The following RASAL2 variants were observed in gnomAD, a reference collection of about 807,000 sequenced individuals.
The protein encoded by RASAL2 is RAS protein activator like 2.
Under a neutral mutation model 128.9 loss-of-function variants are expected in RASAL2, and 58 were observed. The observed-to-expected ratio is 0.45, with a 90% confidence interval of 0.36 to 0.56. The LOEUF is 0.56. Ranked by LOEUF, RASAL2 falls within the 20% of genes least tolerant of loss-of-function variation. The probability of loss-of-function intolerance (pLI) is 0.00; values close to 1 mark genes in which losing one functional copy is unlikely to be tolerated. For synonymous variants in RASAL2, 561 were observed against 580.8 expected (o/e 0.97, Z 0.49); for missense variants, 1,360 against 1,601.6 (o/e 0.85, Z 2.57).
intron 1 of RASAL2, among the ~76,000 whole-genome samples, chr1:178,109,709 A>G (rs1249190757): frequency 1.3e-5 from 2 of 152,138 alleles, no homozygotes; most frequent in Non-Finnish European, 1.5e-5. Flanking sequence ...ATTCTGACCA[A>G]TTCATATATC....
intron 1 of RASAL2, among the ~76,000 whole-genome samples, chr1:178,262,827 A>G (rs1250186286): frequency 4.1e-5 from 6 of 147,598 alleles, no homozygotes; most frequent in Non-Finnish European, 8.9e-5. Flanking sequence ...CTGAGAGGGA[A>G]TTGGTAGACT....
intron 3 of RASAL2, among the ~76,000 whole-genome samples, chr1:178,358,952 A>T (rs1029058989): frequency 1.3e-5 from 2 of 152,218 alleles, no homozygotes; most frequent in African/African-American, 4.8e-5. Flanking sequence ...TTGTTGTTAT[A>T]TTCAAACAAT....
At position 178,376,545 on chromosome 1, in the gene RASAL2, A is replaced by G. The variant is rs1050450181; in HGVS notation, c.458-13555A>G. Among the ~76,000 whole-genome samples the G allele has an allele frequency of 5.3e-5, 8 of 152,156 alleles. No homozygotes were observed. The East Asian group carries it at 1.5e-3, about 29-fold the overall frequency. On this transcript the variant is annotated intron_variant, in intron 3 of 17. Coordinates refer to ENST00000367649, the MANE Select transcript of RASAL2 (RefSeq NM_170692.4). ...ATAGGATTAACCTTTTGAAGGGAGA[A>G]AGAAAAAACTCATACAGGAACCAAA...
Position 178,392,794 on chromosome 1 carries a change from G to A in RASAL2, c.564+2588G>A, listed in dbSNP as rs114968914. Among the ~76,000 whole-genome samples, 517 of 152,252 alleles carry A rather than the reference G, an allele frequency of 3.4e-3. 4 individuals are homozygous for A. The highest frequency in any genetic ancestry group is 0.012 in the African/African-American group (501 of 41,548). On this transcript the variant is annotated intron_variant, in intron 4 of 17. Transcript: ENST00000367649. ...TTAAGGAGATCAAGGAGAAGCCAGT[G>A]GGTAAGGATCACTCATATCCTGCTG... is the stretch of plus-strand genomic sequence containing the variant.
At position 178,204,222 on chromosome 1, in the gene RASAL2, G is replaced by A. The variant is rs143735502; in HGVS notation, c.203-79342G>A. On this transcript the variant is annotated intron_variant, in intron 1 of 17. Transcript: ENST00000367649. Reference sequence around the variant, plus strand: ...TAACATTTGGGTTGGGGATTGGTGCGTCTCTGGTTGTACGAAGGATAGTTG... The same window carrying A: ...TAACATTTGGGTTGGGGATTGGTGCATCTCTGGTTGTACGAAGGATAGTTG... Among the ~76,000 whole-genome samples the A allele has an allele frequency of 3.9e-3, 598 of 152,230 alleles. 3 individuals are homozygous for A. The highest frequency in any genetic ancestry group is 0.013 in the African/African-American group (525 of 41,546).
At chr1:178,278,814 CTG>C (rs933792082) in intron 1 of RASAL2, among the ~76,000 whole-genome samples, 3 of 152,050 alleles carry the variant, frequency 2.0e-5, no homozygotes, top group African/African-American at 4.8e-5. Context: ...TGGAGTGTGT[CTG>C]TGTGTGTGTT....
chr1:178,424,705 G>GC (rs1314949792), intron 5 of RASAL2, among the ~76,000 whole-genome samples: 2 of 151,954 alleles, frequency 1.3e-5, no homozygotes, highest in African/African-American at 4.8e-5. Flanking sequence ...CAAGTGATTT[G>GC]CCCACCCTGG....
chr1:178,166,756 G>C (rs1442929348), intron 1 of RASAL2, among the ~76,000 whole-genome samples: 2 of 152,048 alleles, frequency 1.3e-5, no homozygotes, highest in African/African-American at 4.8e-5. Context: ...ATTTTTTCGT[G>C]TACTAGGTAA....
intron 1 of RASAL2, among the ~76,000 whole-genome samples, chr1:178,121,770 G>A (rs948815859): frequency 5.3e-5 from 8 of 152,116 alleles, no homozygotes; most frequent in African/African-American, 1.9e-4. Context: ...ACAGGCATGA[G>A]CCACCATGCC....
intron 3 of RASAL2, among the ~76,000 whole-genome samples, chr1:178,329,666 T>C (rs1001379839): frequency 3.9e-5 from 6 of 152,036 alleles, no homozygotes; most frequent in African/African-American, 1.5e-4. Context: ...ACATGATGTC[T>C]AAACTGAAAT....
intron 4 of RASAL2, among the ~76,000 whole-genome samples, chr1:178,415,874 A>T (rs1025523642): frequency 1.3e-5 from 2 of 152,096 alleles, no homozygotes. Flanking sequence ...TAATATAGCT[A>T]TGCCTGCTTT....
chr1:178,413,480 T>C (rs1674545775), intron 4 of RASAL2, among the ~76,000 whole-genome samples: 1 of 152,168 alleles, frequency 6.6e-6, no homozygotes, highest in Admixed American at 6.5e-5. Context: ...CAGAATGTTT[T>C]CCCCCACCTT....
intron 1 of RASAL2, among the ~76,000 whole-genome samples, chr1:178,162,257 A>C (rs1218497556): frequency 7.2e-6 from 1 of 139,754 alleles, no homozygotes; most frequent in Non-Finnish European, 1.5e-5. Flanking sequence ...GAGCCACCGC[A>C]CCTGGCCTAA....
chr1:178,352,328 A>G (rs546859687), intron 3 of RASAL2, among the ~76,000 whole-genome samples: 198 of 152,370 alleles, frequency 1.3e-3, no homozygotes, highest in Admixed American at 3.7e-3. Context: ...TGAAACTGCA[A>G]GCTTTGCCAG....
chr1:178,385,555 A>G lies in RASAL2; in HGVS notation c.458-4545A>G, dbSNP rs879479886. 2.6e-5 allele frequency among the ~76,000 whole-genome samples: 4 copies of G among 152,354 alleles called. No homozygotes were observed. The East Asian group carries it at 7.7e-4, about 29-fold the overall frequency. Reference sequence around the variant, plus strand: ...GTTTTTCATTTTAGAGTTAAAAAAAAAAAGTCCTTACAAGAGAAGATTAAT... The same window carrying G: ...GTTTTTCATTTTAGAGTTAAAAAAAGAAAGTCCTTACAAGAGAAGATTAAT... On this transcript the variant is annotated intron_variant, in intron 3 of 17. Coordinates refer to ENST00000367649, the MANE Select transcript of RASAL2 (RefSeq NM_170692.4).
At chr1:178,346,085 G>A (rs1033642369) in intron 3 of RASAL2, among the ~76,000 whole-genome samples, 1 of 152,112 alleles carries the variant, frequency 6.6e-6, no homozygotes, top group African/African-American at 2.4e-5. Flanking sequence ...AATTTAAGGA[G>A]TTTTTTTATT....
chr1:178,420,191 G>A (rs1330468904), intron 4 of RASAL2, among the ~76,000 whole-genome samples: 2 of 152,050 alleles, frequency 1.3e-5, no homozygotes, highest in East Asian at 1.9e-4. Flanking sequence ...ATATATTTGT[G>A]TATGTTATAT....
intron 12 of RASAL2, 55 bp downstream of exon 12, chr1:178,454,703 T>C: frequency 6.7e-7 from 1 of 1,500,614 alleles, no homozygotes; most frequent in South Asian, 1.1e-5. Context: ...TTCTGGAAAG[T>C]AACTATAGAG....
intron 1 of RASAL2, among the ~76,000 whole-genome samples, chr1:178,157,006 G>A (rs12092373): frequency 0.11 from 16,498 of 151,982 alleles, 1,130 homozygotes; most frequent in African/African-American, 0.19. Flanking sequence ...TATAACTTCT[G>A]CTTATAATAC....
Sources: allele counts gnomAD v4.1 joint callset (sites outside exome capture counted in the v4.1 genomes callset), GRCh38; gene constraint gnomAD v4.1.1; transcripts MANE v1.5; gene names NCBI Gene and HGNC (gene_info 2026-07-23, HGNC 2026-07-21).